The following GPC5 variants were observed in gnomAD, a reference collection of about 807,000 sequenced individuals.
GPC5 encodes glypican 5.
Under a neutral mutation model 53.9 loss-of-function variants are expected in GPC5, and 47 were observed. That is an observed-to-expected ratio of 0.87 (90% CI 0.69 to 1.11). GPC5 has a LOEUF of 1.11. Among genes scored for constraint, GPC5 ranks in the 50% most tolerant of loss-of-function variants. The pLI is 0.00. For missense variants in GPC5, 748 were observed against 713.1 expected (o/e 1.05, Z -0.56); for synonymous variants, 286 against 263.3 (o/e 1.09, Z -0.84).
At chr13:92,814,793 T>C (rs1877412497) in intron 7 of GPC5, among the ~76,000 whole-genome samples, 1 of 151,980 alleles carries the variant, frequency 6.6e-6, no homozygotes, top group South Asian at 2.1e-4. Flanking sequence ...GGCATACATA[T>C]AAAAAGAATA....
chr13:91,466,577 C>A (rs527735555), intron 2 of GPC5, among the ~76,000 whole-genome samples: 1 of 152,164 alleles, frequency 6.6e-6, no homozygotes, highest in South Asian at 2.1e-4. Context: ...CAGGAATGAT[C>A]AGGGTGGTGA....
chr13:92,423,775 G>T (rs1367462326), intron 7 of GPC5, among the ~76,000 whole-genome samples: 1 of 152,138 alleles, frequency 6.6e-6, no homozygotes, highest in Non-Finnish European at 1.5e-5. Flanking sequence ...TTACATGTTT[G>T]ATTGCATAGC....
intron 7 of GPC5, among the ~76,000 whole-genome samples, chr13:92,731,359 TG>T (rs1888798712): frequency 1.3e-5 from 2 of 151,352 alleles, no homozygotes; most frequent in Admixed American, 6.6e-5. Flanking sequence ...GTGGTGACTG[TG>T]GAAAGTTAAT....
intron 7 of GPC5, among the ~76,000 whole-genome samples, chr13:92,851,960 G>C (rs955756241): frequency 6.6e-6 from 1 of 151,670 alleles, no homozygotes; most frequent in Non-Finnish European, 1.5e-5. Flanking sequence ...TGACCAGGAG[G>C]AAAGTTAGGC....
intron 7 of GPC5, among the ~76,000 whole-genome samples, chr13:92,351,004 A>G (rs190667898): frequency 6.6e-6 from 1 of 152,094 alleles, no homozygotes; most frequent in African/African-American, 2.4e-5. Context: ...AGACTATTTC[A>G]GTATAAAGTC....
intron 7 of GPC5, among the ~76,000 whole-genome samples, chr13:92,863,477 T>C (rs960273038): frequency 6.6e-6 from 1 of 152,166 alleles, no homozygotes; most frequent in African/African-American, 2.4e-5. Flanking sequence ...AGCAGAGCAC[T>C]CCCTGACCAA....
intron 6 of GPC5, among the ~76,000 whole-genome samples, chr13:92,006,478 A>G (rs1203255239): frequency 8.5e-5 from 13 of 152,174 alleles, no homozygotes; most frequent in Admixed American, 8.5e-4. Context: ...ATTTCCTTTT[A>G]GCTTGAAGAG....
At chr13:92,532,918 G>A (rs1307716793) in intron 7 of GPC5, among the ~76,000 whole-genome samples, 2 of 152,070 alleles carry the variant, frequency 1.3e-5, no homozygotes, top group African/African-American at 2.4e-5. Flanking sequence ...GATCCTAAGT[G>A]GCAGTTTTAT....
chr13:92,035,994 G>C (rs560862727), intron 6 of GPC5, among the ~76,000 whole-genome samples: 1 of 152,270 alleles, frequency 6.6e-6, no homozygotes, highest in Non-Finnish European at 1.5e-5. Flanking sequence ...AAGTAAGGCT[G>C]ATAAATGAAT....
At chr13:91,421,175 G>A (rs1224361916) in intron 1 of GPC5, among the ~76,000 whole-genome samples, 2 of 152,138 alleles carry the variant, frequency 1.3e-5, no homozygotes, top group South Asian at 4.1e-4. Flanking sequence ...AAGGATTTTA[G>A]CATCATTCAC....
intron 3 of GPC5, among the ~76,000 whole-genome samples, chr13:91,710,885 C>T (rs1480737149): frequency 2.6e-5 from 4 of 152,144 alleles, no homozygotes; most frequent in African/African-American, 4.8e-5. Flanking sequence ...TAATTAAGTT[C>T]AGGGAAAGCC....
intron 7 of GPC5, among the ~76,000 whole-genome samples, chr13:92,681,662 G>A (rs780540531): frequency 3.3e-5 from 5 of 152,166 alleles, no homozygotes; most frequent in Admixed American, 6.5e-5. Flanking sequence ...GACCCTGTCC[G>A]TCTCGCCCTC....
At chr13:91,851,249 A>G (rs1377031963) in intron 5 of GPC5, among the ~76,000 whole-genome samples, 2 of 152,160 alleles carry the variant, frequency 1.3e-5, no homozygotes, top group Non-Finnish European at 2.9e-5. Context: ...ATTGTAGCAC[A>G]ATGGTAGGTA....
chr13:91,895,516 C>T (rs1163013837), intron 5 of GPC5, among the ~76,000 whole-genome samples: 1 of 152,132 alleles, frequency 6.6e-6, no homozygotes, highest in Non-Finnish European at 1.5e-5. Flanking sequence ...GACCTTTTTG[C>T]AAGCTTGTAG....
chr13:92,219,424 G>T (rs554600313), intron 7 of GPC5, among the ~76,000 whole-genome samples: 20 of 152,156 alleles, frequency 1.3e-4, no homozygotes, highest in African/African-American at 4.8e-4. Context: ...ATTGAGGCAG[G>T]AGAAAAGGTC....
At chr13:92,500,194 T>A (rs1478643380) in intron 7 of GPC5, among the ~76,000 whole-genome samples, 3 of 151,874 alleles carry the variant, frequency 2.0e-5, no homozygotes, top group Non-Finnish European at 4.4e-5. Flanking sequence ...GCTGTAGGGG[T>A]CCGTCCCACA....
chr13:91,969,303 T>C (rs1036315953), intron 6 of GPC5, among the ~76,000 whole-genome samples: 12 of 152,152 alleles, frequency 7.9e-5, no homozygotes, highest in Admixed American at 1.3e-4. Context: ...CTTTGATACA[T>C]TTTAAAATTT....
chr13:92,330,604 G>T lies in GPC5; in HGVS notation c.1561+185615G>T, dbSNP rs373996011. On this transcript the variant is annotated intron_variant, in intron 7 of 7. Transcript: ENST00000377067. ...ATCAGGAATTGGAAAATTGTTAAGAGAATTTGTCATTTAAACCTCCTCTAA... is the reference window on the plus strand; with the variant it reads ...ATCAGGAATTGGAAAATTGTTAAGATAATTTGTCATTTAAACCTCCTCTAA... Among the ~76,000 whole-genome samples the T allele has an allele frequency of 5.3e-5, 8 of 152,212 alleles. No individual in the cohort carries two copies. In the East Asian group the frequency reaches 5.8e-4, roughly 11 times the overall value.
chr13:92,145,112 A>G (rs1207106513), intron 7 of GPC5, 123 bp downstream of exon 7: 4 of 920,138 alleles, frequency 4.3e-6, no homozygotes, highest in Non-Finnish European at 5.8e-6. Flanking sequence ...TTGGAAATGG[A>G]AATGAATCTA....
Sources: gnomAD v4.1 joint callset for allele counts (sites outside exome capture counted in the v4.1 genomes callset) on GRCh38, gnomAD v4.1.1 for gene constraint, MANE v1.5 for transcripts, NCBI Gene and HGNC (gene_info 2026-07-23, HGNC 2026-07-21) for gene names.